Variants in FBXL13 observed in about 807,000 individuals in gnomAD.
FBXL13 encodes the protein F-box and leucine rich repeat protein 13.
FBXL13 carries 67 observed loss-of-function variants against 83.6 expected under a neutral mutation model. That is an observed-to-expected ratio of 0.80 (90% CI 0.66 to 0.98). The LOEUF is 0.98. Among genes scored for constraint, FBXL13 ranks in the 50% least tolerant of loss-of-function variants. The pLI is 0.00. For synonymous variants in FBXL13, 272 were observed against 299.5 expected, an observed-to-expected ratio of 0.91 and a Z score of 0.95; for missense variants, 822 against 866.5, an observed-to-expected ratio of 0.95 and a Z score of 0.64.
At chr7:102,879,439 ATGTGTGTGTGTGTGTG>A (rs139051886) in intron 14 of FBXL13, among the ~76,000 whole-genome samples, 4 of 144,698 alleles carry the variant, frequency 2.8e-5, no homozygotes, top group Admixed American at 2.8e-4. Flanking sequence ...GCAGTTAAGG[ATGTGTGTGTGTGTGTG>A]TGTGTGTGTG....
chr7:102,860,715 G>A (rs188695710), intron 16 of FBXL13, among the ~76,000 whole-genome samples: 1 of 152,070 alleles, frequency 6.6e-6, no homozygotes, highest in Admixed American at 6.5e-5. Context: ...CTTACTATAC[G>A]GCTGAGTCAT....
chr7:103,047,234 T>C (rs918455020), intron 2 of FBXL13, among the ~76,000 whole-genome samples: 1 of 152,226 alleles, frequency 6.6e-6, no homozygotes, highest in African/African-American at 2.4e-5. Context: ...TAAGTCATTA[T>C]ATCAATATAT....
chr7:102,955,696 G>A (rs1824155121), intron 8 of FBXL13, among the ~76,000 whole-genome samples: 1 of 151,598 alleles, frequency 6.6e-6, no homozygotes, highest in Non-Finnish European at 1.5e-5. Context: ...AATGATAAAG[G>A]GGATATCACC....
At chr7:103,056,247 T>A (rs1797321088) in intron 1 of FBXL13, among the ~76,000 whole-genome samples, 1 of 152,162 alleles carries the variant, frequency 6.6e-6, no homozygotes, top group Admixed American at 6.5e-5. Flanking sequence ...TATCTCACAA[T>A]TTCTTTATTC....
At chr7:102,993,705 A>C (rs553084299) in intron 6 of FBXL13, among the ~76,000 whole-genome samples, 3 of 152,320 alleles carry the variant, frequency 2.0e-5, no homozygotes, top group Non-Finnish European at 2.9e-5. Context: ...TATGAGCCCT[A>C]CCATCTGCTA....
chr7:102,958,041 T>A (rs1427757759), intron 8 of FBXL13, among the ~76,000 whole-genome samples: 1 of 152,174 alleles, frequency 6.6e-6, no homozygotes, highest in Non-Finnish European at 1.5e-5. Context: ...ACTGGGTATA[T>A]ACCCAAAGGA....
chr7:103,019,862 C>T (rs547523136), intron 6 of FBXL13, among the ~76,000 whole-genome samples: 5 of 152,242 alleles, frequency 3.3e-5, no homozygotes, highest in African/African-American at 1.2e-4. Context: ...AGGCCAGGAC[C>T]AGATAGATTC....
At chr7:102,935,209 C>T (rs1341216992) in intron 8 of FBXL13, among the ~76,000 whole-genome samples, 1 of 145,580 alleles carries the variant, frequency 6.9e-6, no homozygotes, top group African/African-American at 2.6e-5. Context: ...TTAATAAATG[C>T]TCCTATGCTC....
chr7:102,913,039 G>A (rs1394459125), intron 11 of FBXL13, 47 bp downstream of exon 12: 3 of 1,613,142 alleles, frequency 1.9e-6, no homozygotes, highest in Non-Finnish European at 2.5e-6. Flanking sequence ...CCATTCTCTG[G>A]AGAACTTCCT....
chr7:102,910,376 C>A (rs780881000), intron 11 of FBXL13, among the ~76,000 whole-genome samples: 4 of 150,546 alleles, frequency 2.7e-5, no homozygotes, highest in Non-Finnish European at 5.9e-5. Context: ...GGTGTTTTTT[C>A]TTTTTCTTTC....
intron 10 of FBXL13, among the ~76,000 whole-genome samples, chr7:102,925,940 C>CAA (rs66682276): frequency 2.2e-3 from 220 of 100,974 alleles, no homozygotes; most frequent in African/African-American, 6.7e-3. Flanking sequence ...GACTCTGTCT[C>CAA]AAAAAAAAAA....
In FBXL13 at chr7:103,028,764, A is replaced by T. The variant is rs113769566; in HGVS notation, c.69-16T>A. On this transcript the variant is annotated splice_polypyrimidine_tract_variant and intron_variant, in intron 3 of 19. Coordinates refer to ENST00000313221, the Ensembl canonical transcript of FBXL13. The stretch of plus-strand genomic sequence containing the variant: ...TCTCCAAGTGCTGCAGGCAGAAGAC[A>T]TTTTTTAAAAAATAATATTTTGATA... 1.3e-6 allele frequency: 2 copies of T among 1,533,600 alleles called. No homozygotes were observed. Among genetic ancestry groups the T allele is most frequent in the Non-Finnish European group, 1.7e-6 (2 of 1,146,876 alleles). 95.0% of individuals were successfully genotyped at this position (1,533,600 alleles called of 1,614,324 possible). A position where few individuals can be genotyped will look rare whatever the true frequency, so the allele number is the denominator to read the frequency against.
chr7:103,009,903 C>T (rs1190076002), intron 6 of FBXL13, among the ~76,000 whole-genome samples: 1 of 152,192 alleles, frequency 6.6e-6, no homozygotes, highest in Non-Finnish European at 1.5e-5. Context: ...CTAGGAAACA[C>T]CTGGACAGTA....
chr7:103,054,385 G>A (rs1345487593), intron 2 of FBXL13, among the ~76,000 whole-genome samples: 46 of 134,728 alleles, frequency 3.4e-4, no homozygotes, highest in Admixed American at 1.7e-3. Flanking sequence ...GCAAGACTCC[G>A]TCTGGAAAAA....
At position 102,929,663 on chromosome 7, in the gene FBXL13, CAAA is replaced by C. The variant is rs35025022; in HGVS notation, c.777+2215_777+2217del. 4.9e-3 allele frequency among the ~76,000 whole-genome samples: 444 copies of C among 91,478 alleles called. 1 individual carries two copies. The highest frequency in any genetic ancestry group is 0.02 in the African/African-American group (432 of 21,118). 60.0% of individuals were successfully genotyped at this position (91,478 alleles called of 152,430 possible). On this transcript the variant is annotated intron_variant, in intron 9 of 19. Transcript: ENST00000313221. ...TGGGCAACAGAGTGAGACTCCATCTCAAAAAAAAAAAAAAAAAAAAATTAATTA... is the reference window on the plus strand; with the variant it reads ...TGGGCAACAGAGTGAGACTCCATCTCAAAAAAAAAAAAAAAAAATTAATTA...
chr7:102,965,186 C>T (rs1346453976), intron 7 of FBXL13, among the ~76,000 whole-genome samples: 3 of 152,170 alleles, frequency 2.0e-5, no homozygotes, highest in African/African-American at 4.8e-5. Context: ...AGGGGAAAGG[C>T]AAATGGCAGA....
At chr7:102,926,598 A>C (rs912463238) in intron 9 of FBXL13, among the ~76,000 whole-genome samples, 9 of 152,204 alleles carry the variant, frequency 5.9e-5, no homozygotes, top group African/African-American at 2.2e-4. Context: ...TTGGAAATCA[A>C]GTCTCATTCC....
chr7:103,021,062 A>G (rs1793103356), intron 6 of FBXL13, among the ~76,000 whole-genome samples: 1 of 152,226 alleles, frequency 6.6e-6, no homozygotes, highest in South Asian at 2.1e-4. Flanking sequence ...TGGAGGCATC[A>G]TGCTACCTGA....
chr7:102,883,171 G>C, intron 14 of FBXL13, 134 bp downstream of exon 15: 2 of 826,642 alleles, frequency 2.4e-6, no homozygotes, highest in Non-Finnish European at 3.6e-6. Flanking sequence ...ACAGAACTCT[G>C]CACTTACCTC....
Sources: allele counts gnomAD v4.1 joint callset (sites outside exome capture counted in the v4.1 genomes callset), GRCh38; gene constraint gnomAD v4.1.1; transcripts MANE v1.5; gene names NCBI Gene and HGNC (gene_info 2026-07-23, HGNC 2026-07-21).